NUDT3: variants seen among roughly 807,000 people sequenced by gnomAD.
NUDT3 encodes diphosphoinositol polyphosphate phosphohydrolase 1.
NUDT3 carries 9 observed loss-of-function variants against 23.6 expected under a neutral mutation model. That is an observed-to-expected ratio of 0.38 (90% CI 0.23 to 0.66). The LOEUF is 0.66. Ranked by LOEUF, NUDT3 falls within the 30% of genes least tolerant of loss-of-function variation. The pLI, the probability that NUDT3 is intolerant of heterozygous loss-of-function variation, is 0.52. For synonymous variants in NUDT3, 86 were observed against 82.6 expected (o/e 1.04, Z -0.22); for missense variants, 172 against 218.5 (o/e 0.79, Z 1.34).
At chr6:34,358,293 C>CACACA (rs1764595558) in intron 1 of NUDT3, among the ~76,000 whole-genome samples, 1 of 130,740 alleles carries the variant, frequency 7.6e-6, no homozygotes, top group African/African-American at 3.4e-5. Flanking sequence ...ACACACACAC[C>CACACA]CCTTATAATT....
intron 1 of NUDT3, among the ~76,000 whole-genome samples, chr6:34,374,525 C>T (rs1337628170): frequency 6.6e-6 from 1 of 152,082 alleles, no homozygotes; most frequent in African/African-American, 2.4e-5. Flanking sequence ...CTGTTATGAT[C>T]AGCATCTGAT....
chr6:34,316,048 G>A (rs978673010), intron 2 of NUDT3, among the ~76,000 whole-genome samples: 9 of 152,014 alleles, frequency 5.9e-5, no homozygotes, highest in South Asian at 2.1e-4. Flanking sequence ...ACTTTGTTTC[G>A]TAGAGACAGG....
chr6:34,297,760 A>ATATATATATATTTTTTTTT (rs1763535832), intron 2 of NUDT3, among the ~76,000 whole-genome samples: 1 of 53,628 alleles, frequency 1.9e-5, no homozygotes, highest in Admixed American at 2.6e-4. Flanking sequence ...TATATATATA[A>ATATATATATATTTTTTTTT]TTTTTTTTTT....
At chr6:34,345,240 G>C (rs1764347786) in intron 1 of NUDT3, among the ~76,000 whole-genome samples, 1 of 150,644 alleles carries the variant, frequency 6.6e-6, no homozygotes. Context: ...AGTAGAGACG[G>C]GGTTTCACCG....
At position 34,297,964 on chromosome 6, in the gene NUDT3, C is replaced by T. The variant is rs1763540810; in HGVS notation, c.211-2279G>A. On this transcript the variant is annotated intron_variant, in intron 2 of 4. Transcript: ENST00000607016. ...AAGGAGAAAGTAGTCTCTTTAGCAG[C>T]TACTATCCAATATTTTTTTCTTAAA... Among the ~76,000 whole-genome samples, 7 of 151,450 alleles carry T rather than the reference C, an allele frequency of 4.6e-5. No individual in the cohort carries two copies. In the South Asian group the frequency reaches 1.5e-3, roughly 32 times the overall value.
chr6:34,348,796 C>G (rs912202126), intron 1 of NUDT3, among the ~76,000 whole-genome samples: 1 of 151,166 alleles, frequency 6.6e-6, no homozygotes, highest in Non-Finnish European at 1.5e-5. Flanking sequence ...TAGAAAGAAA[C>G]AAAAGAACAA....
chr6:34,313,762 A>C (rs1763814864), intron 2 of NUDT3, among the ~76,000 whole-genome samples: 1 of 151,962 alleles, frequency 6.6e-6, no homozygotes, highest in Non-Finnish European at 1.5e-5. Context: ...GGAGATCGAG[A>C]CCATCCTGGC....
rs562339434 is a variant in NUDT3 at position 34,282,315 on chromosome 6, C to T, written c.*6438G>A. 1 of 152,304 alleles carries T rather than the reference C, an allele frequency of 6.6e-6. No homozygotes were observed. The highest frequency in any genetic ancestry group is 2.4e-5 in the African/African-American group (1 of 41,566). 9.4% of individuals were successfully genotyped at this position (152,304 alleles called of 1,614,324 possible). On this transcript the variant is annotated 3_prime_UTR_variant, in exon 5 of 5. Transcript: ENST00000607016. ...GCACCAAAGTGCTCAGAAAGACAGG[C>T]TCAGATCAGGACGACTTCTTAAAGG...
At chr6:34,299,766 C>T (rs1364290704) in intron 2 of NUDT3, among the ~76,000 whole-genome samples, 2 of 151,608 alleles carry the variant, frequency 1.3e-5, no homozygotes, top group Admixed American at 6.6e-5. Flanking sequence ...ATTACCCGGG[C>T]GTGGTGGGTG....
intron 1 of NUDT3, among the ~76,000 whole-genome samples, chr6:34,373,598 AAGACT>A (rs1764872464): frequency 6.6e-6 from 1 of 152,136 alleles, no homozygotes; most frequent in Non-Finnish European, 1.5e-5. Flanking sequence ...TAATGGAAGG[AAGACT>A]ACTAAAACTG....
At chr6:34,327,027 C>T (rs575060906) in intron 2 of NUDT3, among the ~76,000 whole-genome samples, 8 of 151,388 alleles carry the variant, frequency 5.3e-5, no homozygotes, top group South Asian at 4.2e-4. Flanking sequence ...CACCAAGACG[C>T]GGAGACCGGT....
intron 2 of NUDT3, among the ~76,000 whole-genome samples, chr6:34,329,288 AT>A (rs201412054): frequency 2.0e-5 from 3 of 150,998 alleles, no homozygotes; most frequent in Non-Finnish European, 3.0e-5. Flanking sequence ...GAGAACAACC[AT>A]TTTTTTTTGA....
At chr6:34,391,638 T>C (rs940253977) in intron 1 of NUDT3, among the ~76,000 whole-genome samples, 1 of 152,184 alleles carries the variant, frequency 6.6e-6, no homozygotes, top group African/African-American at 2.4e-5. Context: ...AAGATTATTA[T>C]ATCAAATGTC....
rs370168110 is a variant in NUDT3 at position 34,354,394 on chromosome 6, A to AACACACACACACACACAC, written c.100-12440_100-12423dup. 1.8e-3 allele frequency among the ~76,000 whole-genome samples: 247 copies of AACACACACACACACACAC among 137,704 alleles called. 1 individual carries two copies. The highest frequency in any genetic ancestry group is 4.4e-3 in the African/African-American group (156 of 35,804). 90.3% of individuals were successfully genotyped at this position (137,704 alleles called of 152,430 possible). A position where few individuals can be genotyped will look rare whatever the true frequency, so the allele number is the denominator to read the frequency against. Reference sequence around the variant, plus strand: ...TGGGCAGTATAGTGAGATTTCATTAAACACACACACACACACACACACACA... The same window carrying AACACACACACACACACAC: ...TGGGCAGTATAGTGAGATTTCATTAAACACACACACACACACACACACACACACACACACACACACACA... On this transcript the variant is annotated intron_variant, in intron 1 of 4. Transcript: ENST00000607016.
chr6:34,368,007 A>G (rs1764765993), intron 1 of NUDT3, among the ~76,000 whole-genome samples: 1 of 152,058 alleles, frequency 6.6e-6, no homozygotes, highest in South Asian at 2.1e-4. Context: ...TCGAGACCAG[A>G]CTGGCCAATA....
rs114278495 is a variant in NUDT3 at position 34,301,289 on chromosome 6, C to T, written c.211-5604G>A. The stretch of plus-strand genomic sequence containing the variant: ...AAGTTGGTCTCTTTTGGTAGATCAA[C>T]TGCAGAGATAGTGACCATTCTCCAC... On this transcript the variant is annotated intron_variant, in intron 2 of 4. Transcript: ENST00000607016. Among the ~76,000 whole-genome samples the T allele has an allele frequency of 1.4e-3, 217 of 152,376 alleles. 1 individual carries two copies. The highest frequency in any genetic ancestry group is 4.9e-3 in the African/African-American group (202 of 41,594).
At chr6:34,337,625 T>C (rs1391209266) in intron 2 of NUDT3, among the ~76,000 whole-genome samples, 1 of 152,224 alleles carries the variant, frequency 6.6e-6, no homozygotes, top group African/African-American at 2.4e-5. Flanking sequence ...TTTCTATATC[T>C]TAGCTGCACT....
intron 1 of NUDT3, among the ~76,000 whole-genome samples, chr6:34,345,801 T>C (rs144195174): frequency 0.088 from 13,389 of 151,968 alleles, 1,319 homozygotes; most frequent in East Asian, 0.43. Flanking sequence ...GGAGTTTTGC[T>C]CTTGTTGCCC....
intron 2 of NUDT3, among the ~76,000 whole-genome samples, chr6:34,341,181 C>T (rs925602982): frequency 6.6e-6 from 1 of 152,102 alleles, no homozygotes; most frequent in Non-Finnish European, 1.5e-5. Flanking sequence ...CCACAAGAGG[C>T]TATGGAAAAA....
Sources: allele counts gnomAD v4.1 joint callset (sites outside exome capture counted in the v4.1 genomes callset), GRCh38; gene constraint gnomAD v4.1.1; transcripts MANE v1.5; gene names NCBI Gene and HGNC (gene_info 2026-07-23, HGNC 2026-07-21).